HEATR4: variants seen among roughly 807,000 people sequenced by gnomAD.
HEATR4 encodes HEAT repeat-containing protein 4.
Under a neutral mutation model 108.8 loss-of-function variants are expected in HEATR4, and 95 were observed. The ratio of observed to expected loss-of-function variants is 0.87; its 90% CI spans 0.74 to 1.04. The LOEUF (loss-of-function observed/expected upper bound fraction) is 1.04, where lower values mean the gene tolerates loss of function less well. Ranked by LOEUF, HEATR4 falls within the 50% of genes least tolerant of loss-of-function variation. The pLI is 0.00. For missense variants in HEATR4, 1,152 were observed against 1,253.8 expected, an observed-to-expected ratio of 0.92 and a Z score of 1.23; for synonymous variants, 443 against 459.4, an observed-to-expected ratio of 0.96 and a Z score of 0.46.
At chr14:73,489,105 C>T (rs1177163292) in intron 17 of HEATR4, among the ~76,000 whole-genome samples, 2 of 147,474 alleles carry the variant, frequency 1.4e-5, no homozygotes, top group Non-Finnish European at 3.1e-5. Context: ...ATTTGTCTGC[C>T]TCAACACTAC....
rs1157258201 is a variant in HEATR4 at position 73,493,057 on chromosome 14, C to G, written c.2844+9G>C. The G allele has an allele frequency of 6.2e-7, 1 of 1,606,922 alleles. No individual in the cohort carries two copies. On this transcript the variant is annotated intron_variant, in intron 17 of 17. Coordinates refer to ENST00000553558, the MANE Select transcript of HEATR4 (RefSeq NM_001220484.1). The stretch of plus-strand genomic sequence containing the variant: ...TTACCTTGATAAGCATCAGTGTGCT[C>G]ACATTTACCTTTATCACTGCTTCAG...
the HEATR4 span, among the ~76,000 whole-genome samples, chr14:73,598,840 TA>T: frequency 6.6e-6 from 1 of 151,868 alleles, no homozygotes; most frequent in Non-Finnish European, 1.5e-5. Context: ...CCATCTCTAC[TA>T]AAAATACAAA....
At position 73,555,834 on chromosome 14, in the gene HEATR4, C is replaced by T; in HGVS notation, c.-152+2917G>A. ...CAGCCTGATCAACATGGAGAAACCC[C>T]ATCTCTACTAAAAATACAAAATTAG... On this transcript the variant is annotated intron_variant, in intron 1 of 17. Transcript: ENST00000553558. 1.8e-5 allele frequency among the ~76,000 whole-genome samples: 2 copies of T among 112,732 alleles called. 1 individual carries two copies. The highest frequency in any genetic ancestry group is 2.0e-4 in the Admixed American group (2 of 9,998). The allele number at this position is 112,732 out of a possible 152,430, so 74.0% of individuals were successfully genotyped here.
chr14:73,559,809 T>A (rs1889485913), upstream of HEATR4, among the ~76,000 whole-genome samples: 1 of 152,114 alleles, frequency 6.6e-6, no homozygotes, highest in Non-Finnish European at 1.5e-5. Flanking sequence ...CAAGGGTTTA[T>A]AAATCCTGAG....
chr14:73,619,809 T>TA, the HEATR4 span: 2 of 1,607,476 alleles, frequency 1.2e-6, no homozygotes, highest in South Asian at 1.1e-5. Context: ...ATCTCAATGG[T>TA]AAAAAATCTG....
chr14:73,574,786 T>C, the HEATR4 span: 1 of 1,535,342 alleles, frequency 6.5e-7, no homozygotes, highest in Non-Finnish European at 8.8e-7. Flanking sequence ...GTTGCAAATC[T>C]GGGTAAATGG....
At chr14:73,592,274 G>T in the HEATR4 span, 1 of 1,612,994 alleles carries the variant, frequency 6.2e-7, no homozygotes, top group South Asian at 1.1e-5. Context: ...TTGTCGTGGA[G>T]TTGGAGGTGC....
chr14:73,619,402 G>A, the HEATR4 span: 39 of 1,613,968 alleles, frequency 2.4e-5, no homozygotes, highest in Admixed American at 1.8e-4. Context: ...TAAACTTGTC[G>A]ATGATCTAGG....
At chr14:73,621,588 A>G in the HEATR4 span, among the ~76,000 whole-genome samples, 2 of 152,086 alleles carry the variant, frequency 1.3e-5, no homozygotes, top group African/African-American at 4.8e-5. Flanking sequence ...GGCACATCCC[A>G]TGATTTTCTG....
rs1015402288 is a variant in HEATR4, at chr14:73,520,927, A to T, written c.994T>A (p.Phe332Ile). 6.2e-7 allele frequency: 1 copy of T among 1,614,028 alleles called. No individual in the cohort carries two copies. The highest frequency in any genetic ancestry group is 8.5e-7 in the Non-Finnish European group (1 of 1,180,022). The stretch of plus-strand genomic sequence containing the variant: ...CCAGCTCGGGGAGTCACCTGGCGAA[A>T]GTAGCTCTGGGTTTGGGGCTGGGAG... ...SLSQPQTQSY[F>I]RQVTPRAGKF... is the part of the protein sequence containing the mutation. The change falls in exon 4 of 18, where the codon TTT becomes ATT. Residue 332 changes from phenylalanine (F) to isoleucine (I), a missense_variant. Physicochemically the swap from Phe to Ile is conservative, Grantham distance 21. Coordinates refer to ENST00000553558, the MANE Select transcript of HEATR4 (RefSeq NM_001220484.1).
In HEATR4 at chr14:73,552,058, C is replaced by T. The variant is rs1446555206; in HGVS notation, c.-152+6693G>A. ...ACAGGGCTCTTGACCTTCAGGTGCC[C>T]GGTCAGGTCTCTTCCAAGTGAACTT... On this transcript the variant is annotated intron_variant, in intron 1 of 17. Coordinates refer to ENST00000553558, the MANE Select transcript of HEATR4 (RefSeq NM_001220484.1). 3.2e-4 allele frequency among the ~76,000 whole-genome samples: 36 copies of T among 113,822 alleles called. 2 individuals are homozygous for T. The highest frequency in any genetic ancestry group is 8.3e-4 in the African/African-American group (29 of 34,956). 74.7% of individuals were successfully genotyped at this position (113,822 alleles called of 152,430 possible). A position where few individuals can be genotyped will look rare whatever the true frequency, so the allele number is the denominator to read the frequency against.
At chr14:73,511,711 C>T (rs148704929) in intron 7 of HEATR4, among the ~76,000 whole-genome samples, 1 of 151,938 alleles carries the variant, frequency 6.6e-6, no homozygotes, top group East Asian at 1.9e-4. Context: ...ACAGTCTCTA[C>T]CAAAAACAAA....
chr14:73,579,678 C>T, the HEATR4 span, among the ~76,000 whole-genome samples: 1 of 151,644 alleles, frequency 6.6e-6, no homozygotes, highest in East Asian at 1.9e-4. Flanking sequence ...TGGCCTCTCC[C>T]AAAGTGCTGG....
the HEATR4 span, among the ~76,000 whole-genome samples, chr14:73,612,182 C>G: frequency 6.6e-6 from 1 of 152,032 alleles, no homozygotes; most frequent in Non-Finnish European, 1.5e-5. Context: ...GCCGGGATTA[C>G]AGGCATGCGC....
the HEATR4 span, among the ~76,000 whole-genome samples, chr14:73,584,034 C>A: frequency 1.3e-5 from 2 of 151,784 alleles, no homozygotes; most frequent in African/African-American, 4.8e-5. Flanking sequence ...CTATGTATGA[C>A]CTTTCCAGGA....
At chr14:73,592,313 G>T in the HEATR4 span, 1 of 1,610,728 alleles carries the variant, frequency 6.2e-7, no homozygotes, top group Non-Finnish European at 8.5e-7. Context: ...AGCCTGGACG[G>T]CTGCTGTGCC....
chr14:73,480,195 A>C (rs1464151073), intron 17 of HEATR4, among the ~76,000 whole-genome samples: 1 of 152,216 alleles, frequency 6.6e-6, no homozygotes, highest in Non-Finnish European at 1.5e-5. Flanking sequence ...TGATCCCAGC[A>C]CTTTGGGAGG....
chr14:73,621,711 G>C, the HEATR4 span, among the ~76,000 whole-genome samples: 2 of 149,524 alleles, frequency 1.3e-5, no homozygotes, highest in Non-Finnish European at 3.0e-5. Context: ...GTTAAACTCT[G>C]TGTTGAGTAT....
At chr14:73,575,484 C>T in the HEATR4 span, 41 of 1,499,866 alleles carry the variant, frequency 2.7e-5, no homozygotes, top group East Asian at 2.4e-4. Context: ...CTTGGGTGGC[C>T]ACGAGGGGAC....
Sources: gnomAD v4.1 joint callset for allele counts (sites outside exome capture counted in the v4.1 genomes callset) on GRCh38, gnomAD v4.1.1 for gene constraint, MANE v1.5 for transcripts, NCBI Gene and HGNC (gene_info 2026-07-23, HGNC 2026-07-21) for gene names.